AFAP1: variants seen among roughly 807,000 people sequenced by gnomAD.
AFAP1 encodes actin filament-associated protein 1.
Under a neutral mutation model 93.9 loss-of-function variants are expected in AFAP1, and 75 were observed. That is an observed-to-expected ratio of 0.80 (90% CI 0.66 to 0.97). The LOEUF is 0.97. Ranked by LOEUF, AFAP1 falls within the 50% of genes least tolerant of loss-of-function variation. The pLI is 0.00. For missense variants in AFAP1, 1,201 were observed against 1,050.8 expected (o/e 1.14, Z -1.98); for synonymous variants, 517 against 430.7 (o/e 1.20, Z -2.48).
intron 9 of AFAP1, among the ~76,000 whole-genome samples, chr4:7,808,762 T>C (rs958453531): frequency 6.6e-6 from 1 of 152,118 alleles, no homozygotes; most frequent in East Asian, 1.9e-4. Context: ...CCTGTAGTAA[T>C]GAGGGAGTTC....
At chr4:7,881,761 A>G (rs1426318119) in intron 1 of AFAP1, among the ~76,000 whole-genome samples, 1 of 150,384 alleles carries the variant, frequency 6.6e-6, no homozygotes, top group African/African-American at 2.4e-5. Context: ...AGCCTGGGCG[A>G]CAGAGTGAGA....
intron 11 of AFAP1, among the ~76,000 whole-genome samples, chr4:7,793,175 A>ATTT (rs1718048510): frequency 6.6e-6 from 1 of 150,984 alleles, no homozygotes; most frequent in Non-Finnish European, 1.5e-5. Flanking sequence ...TTTTTTTTTA[A>ATTT]AAAAATCACA....
chr4:7,811,276 C>A (rs1256954995), intron 8 of AFAP1, among the ~76,000 whole-genome samples: 1 of 152,188 alleles, frequency 6.6e-6, no homozygotes, highest in Non-Finnish European at 1.5e-5. Context: ...ATCACAGACA[C>A]TTCAGAAGGT....
rs147608397 is a variant in AFAP1 at position 7,768,973 on chromosome 4, C to A, written c.2289G>T (p.Ser763=). 4 of 1,613,416 alleles carry A rather than the reference C, an allele frequency of 2.5e-6. No individual in the cohort carries two copies. The highest frequency in any genetic ancestry group is 3.3e-5 in the Admixed American group (2 of 59,962). The stretch of plus-strand genomic sequence containing the variant: ...CACTGGTGTCACAGCTGGAGATGGG[C>A]GAGTTTTCCAGGGTCCGGTGCCGGA... ...PVFRHRTLEN[S]PISSCDTSDT... Residue 763 remains serine (S), a synonymous_variant, in exon 17 of 18, where the codon TCG becomes TCT. Coordinates refer to ENST00000420658, the MANE Select transcript of AFAP1 (RefSeq NM_001134647.2).
At chr4:7,932,969 G>A (rs568338133) in intron 1 of AFAP1, among the ~76,000 whole-genome samples, 13 of 133,562 alleles carry the variant, frequency 9.7e-5, no homozygotes, top group African/African-American at 3.7e-4. Flanking sequence ...GTGGTGAGCC[G>A]AGATCGCGCC....
chr4:7,818,930 G>A (rs1720714998), intron 7 of AFAP1, 146 bp downstream of exon 7: 1 of 672,572 alleles, frequency 1.5e-6, no homozygotes, highest in Non-Finnish European at 2.4e-6. Context: ...CGCAAAGCAG[G>A]CAGTTAAAAA....
At chr4:7,841,233 C>T (rs1423095949) in intron 5 of AFAP1, among the ~76,000 whole-genome samples, 1 of 152,212 alleles carries the variant, frequency 6.6e-6, no homozygotes, top group East Asian at 1.9e-4. Flanking sequence ...TCAGGGATAC[C>T]ACCATGAGAG....
intron 7 of AFAP1, among the ~76,000 whole-genome samples, chr4:7,817,997 C>G (rs996530601): frequency 6.6e-6 from 1 of 152,120 alleles, no homozygotes; most frequent in Non-Finnish European, 1.5e-5. Context: ...GAAAAACAGC[C>G]TGTTCCATTA....
intron 1 of AFAP1, among the ~76,000 whole-genome samples, chr4:7,938,202 G>A (rs192018397): frequency 2.0e-5 from 3 of 151,752 alleles, no homozygotes; most frequent in African/African-American, 7.2e-5. Context: ...GGCAGAGAAA[G>A]CAAAAGGGCC....
intron 4 of AFAP1, among the ~76,000 whole-genome samples, chr4:7,849,906 A>G (rs1560198290): frequency 6.6e-6 from 1 of 150,710 alleles, no homozygotes; most frequent in Non-Finnish European, 1.5e-5. Context: ...TGCATCACAG[A>G]TTCTCCACTC....
At chr4:7,886,729 T>G (rs1257825049) in intron 1 of AFAP1, among the ~76,000 whole-genome samples, 3 of 152,214 alleles carry the variant, frequency 2.0e-5, no homozygotes, top group Non-Finnish European at 4.4e-5. Flanking sequence ...TGTTTTTTGC[T>G]TATCATAATA....
Position 7,763,754 on chromosome 4 carries a change from G to A in AFAP1, c.*11C>T, listed in dbSNP as rs1319491667. On this transcript the variant is annotated 3_prime_UTR_variant, in exon 18 of 18. Transcript: ENST00000420658. ...GTGCAGTCTCTGAGGCTGGAGTGGT[G>A]CTGCTGTCCCCTAGGTCCCGTTCTT... The A allele has an allele frequency of 5.2e-6, 8 of 1,551,670 alleles. No individual in the cohort carries two copies. Among genetic ancestry groups the A allele is most frequent in the Non-Finnish European group, 7.0e-6 (8 of 1,146,956 alleles).
intron 11 of AFAP1, among the ~76,000 whole-genome samples, chr4:7,791,686 T>C (rs1717867648): frequency 1.4e-5 from 2 of 141,100 alleles, no homozygotes; most frequent in Admixed American, 1.5e-4. Context: ...ACCCCGTCTC[T>C]ACCAAAAAAA....
intron 3 of AFAP1, among the ~76,000 whole-genome samples, chr4:7,865,358 C>T (rs894995743): frequency 3.9e-5 from 6 of 152,172 alleles, no homozygotes; most frequent in African/African-American, 1.4e-4. Context: ...TGGTAGCTCA[C>T]GCCTGTAATT....
intron 10 of AFAP1, among the ~76,000 whole-genome samples, chr4:7,797,195 C>T (rs1162736523): frequency 6.6e-6 from 1 of 152,042 alleles, no homozygotes; most frequent in South Asian, 2.1e-4. Flanking sequence ...GAAGGAATAA[C>T]GGAATTAGAA....
intron 5 of AFAP1, among the ~76,000 whole-genome samples, chr4:7,839,869 G>C (rs1352343403): frequency 2.0e-5 from 3 of 152,142 alleles, no homozygotes; most frequent in East Asian, 3.8e-4. Context: ...GCATCCCAGG[G>C]AGTTTCTTAA....
chr4:7,800,649 A>T lies in AFAP1; in HGVS notation c.1059T>A (p.Tyr353Ter). The change falls in exon 10 of 18, where the codon TAT becomes TAA. Residue 353 changes from tyrosine (Y) to a stop codon, truncating the protein, a stop_gained. Transcript: ENST00000420658. LOFTEE classifies it high-confidence loss of function. ...AGCGGCTGTTGGAGAGCACGTTCAG[A>T]TAGCCTGCGGAGACACAAGGCCACA... is the stretch of plus-strand genomic sequence containing the variant. ...SAEEDVPTCG[Y>*]LNVLSNSRWR... The T allele has an allele frequency of 6.2e-7, 1 of 1,614,204 alleles. No individual in the cohort carries two copies. Among genetic ancestry groups the T allele is most frequent in the South Asian group, 1.1e-5 (1 of 91,080 alleles).
intron 1 of AFAP1, among the ~76,000 whole-genome samples, chr4:7,893,218 T>C (rs1213047963): frequency 6.6e-6 from 1 of 152,174 alleles, no homozygotes; most frequent in Non-Finnish European, 1.5e-5. Context: ...TCATGACTCT[T>C]GTAAGATGTC....
intron 3 of AFAP1, among the ~76,000 whole-genome samples, chr4:7,863,450 A>G (rs565450643): frequency 6.6e-6 from 1 of 152,308 alleles, no homozygotes; most frequent in East Asian, 1.9e-4. Flanking sequence ...AGAAAGAAGG[A>G]AAGAAAATAA....
Sources: gnomAD v4.1 joint callset for allele counts (sites outside exome capture counted in the v4.1 genomes callset) on GRCh38, gnomAD v4.1.1 for gene constraint, MANE v1.5 for transcripts, NCBI Gene and HGNC (gene_info 2026-07-23, HGNC 2026-07-21) for gene names.